The following CNTNAP5 variants were observed in gnomAD, a reference collection of about 807,000 sequenced individuals.
The protein encoded by CNTNAP5 is contactin associated protein family member 5.
Under a neutral mutation model 150.2 loss-of-function variants are expected in CNTNAP5, and 72 were observed. The observed-to-expected ratio is 0.48, with a 90% CI of 0.40 to 0.58. The LOEUF is 0.58. Ranked by LOEUF, CNTNAP5 falls within the 20% of genes least tolerant of loss-of-function variation. CNTNAP5 has a pLI of 0.00. For synonymous variants in CNTNAP5, 672 were observed against 619.8 expected, an observed-to-expected ratio of 1.08 and a Z score of -1.25; for missense variants, 1,636 against 1,626.2, an observed-to-expected ratio of 1.01 and a Z score of -0.10.
At chr2:124,223,621 A>G (rs1686381086) in intron 2 of CNTNAP5, among the ~76,000 whole-genome samples, 1 of 151,990 alleles carries the variant, frequency 6.6e-6, no homozygotes, top group Non-Finnish European at 1.5e-5. Flanking sequence ...GAAAGCAATT[A>G]CTACTGCCTA....
chr2:124,370,253 C>A (rs1486539772), intron 3 of CNTNAP5, among the ~76,000 whole-genome samples: 3 of 152,098 alleles, frequency 2.0e-5, no homozygotes, highest in Non-Finnish European at 4.4e-5. Context: ...AGACCCTCAG[C>A]AGTAAAGGTT....
At chr2:124,732,935 C>G (rs961688896) in intron 13 of CNTNAP5, among the ~76,000 whole-genome samples, 2 of 152,114 alleles carry the variant, frequency 1.3e-5, no homozygotes, top group African/African-American at 4.8e-5. Flanking sequence ...ATATAAACAA[C>G]AGTGGATTAG....
chr2:124,326,750 C>T (rs1003583084), intron 3 of CNTNAP5, among the ~76,000 whole-genome samples: 2 of 151,820 alleles, frequency 1.3e-5, no homozygotes, highest in Non-Finnish European at 1.5e-5. Context: ...CATGGCGAAC[C>T]CCCATCTTGA....
intron 4 of CNTNAP5, among the ~76,000 whole-genome samples, chr2:124,420,547 G>A (rs138675108): frequency 6.6e-4 from 100 of 152,202 alleles, no homozygotes; most frequent in Middle Eastern, 3.4e-3. Context: ...ATAGTCCCCT[G>A]TTACCCAACC....
At chr2:124,542,411 C>G (rs1235451758) in intron 10 of CNTNAP5, among the ~76,000 whole-genome samples, 1 of 151,498 alleles carries the variant, frequency 6.6e-6, no homozygotes, top group Non-Finnish European at 1.5e-5. Context: ...CACTGAGGGC[C>G]ATGAAGTTAT....
chr2:124,805,917 A>C (rs2104650787), intron 19 of CNTNAP5, among the ~76,000 whole-genome samples: 1 of 152,264 alleles, frequency 6.6e-6, no homozygotes, highest in South Asian at 2.1e-4. Context: ...ATCCTATAGG[A>C]TGAGAGGCCC....
chr2:124,032,372 G>T (rs1469808217), intron 1 of CNTNAP5, among the ~76,000 whole-genome samples: 1 of 152,070 alleles, frequency 6.6e-6, no homozygotes, highest in African/African-American at 2.4e-5. Context: ...AAGCTATGGA[G>T]ATTCATTGAA....
At chr2:124,051,200 C>CA (rs140219734) in intron 1 of CNTNAP5, among the ~76,000 whole-genome samples, 55 of 148,204 alleles carry the variant, frequency 3.7e-4, no homozygotes, top group Middle Eastern at 3.4e-3. Flanking sequence ...TCTCTTTCCT[C>CA]AAAAAAAAAA....
At chr2:124,838,455 G>C (rs1045569090) in intron 19 of CNTNAP5, among the ~76,000 whole-genome samples, 1 of 152,096 alleles carries the variant, frequency 6.6e-6, no homozygotes, top group Admixed American at 6.6e-5. Flanking sequence ...AGCTCTACCA[G>C]GATTCTATCT....
At chr2:124,293,876 A>C (rs1404463010) in intron 3 of CNTNAP5, among the ~76,000 whole-genome samples, 2 of 148,928 alleles carry the variant, frequency 1.3e-5, no homozygotes, top group Non-Finnish European at 3.0e-5. Flanking sequence ...ATTTCAAAGG[A>C]AGCAGTGAGA....
At chr2:124,524,740 A>G (rs1375252043) in intron 9 of CNTNAP5, among the ~76,000 whole-genome samples, 1 of 152,244 alleles carries the variant, frequency 6.6e-6, no homozygotes, top group Non-Finnish European at 1.5e-5. Context: ...TTTTGTAGCC[A>G]TGCCAAGCCC....
chr2:124,594,250 T>C (rs1261072090), intron 11 of CNTNAP5, among the ~76,000 whole-genome samples: 2 of 130,294 alleles, frequency 1.5e-5, no homozygotes, highest in South Asian at 6.0e-4. Context: ...GGTTTTCTTC[T>C]AGGGTTTTTA....
intron 1 of CNTNAP5, among the ~76,000 whole-genome samples, chr2:124,178,659 A>G (rs1159605812): frequency 6.6e-6 from 1 of 152,202 alleles, no homozygotes; most frequent in African/African-American, 2.4e-5. Flanking sequence ...CCTCAGAGGT[A>G]GTGCTCATTC....
chr2:124,771,530 G>C (rs1573606315), intron 16 of CNTNAP5, among the ~76,000 whole-genome samples: 4 of 152,168 alleles, frequency 2.6e-5, no homozygotes, highest in Admixed American at 2.6e-4. Flanking sequence ...GCTAATAATG[G>C]TACATTTCTC....
intron 12 of CNTNAP5, among the ~76,000 whole-genome samples, chr2:124,638,607 A>G (rs189219121): frequency 5.3e-5 from 8 of 152,292 alleles, no homozygotes; most frequent in Non-Finnish European, 1.0e-4. Flanking sequence ...ACAAAAGTCA[A>G]ATACAGACAA....
Position 124,253,414 on chromosome 2 carries a change from G to T in CNTNAP5, c.381+11021G>T, listed in dbSNP as rs190679641. Among the ~76,000 whole-genome samples, 337 of 151,804 alleles carry T rather than the reference G, an allele frequency of 2.2e-3. 3 individuals are homozygous for T. Among genetic ancestry groups the T allele is most frequent in the Non-Finnish European group, 4.1e-4 (28 of 67,900 alleles). On this transcript the variant is annotated intron_variant, in intron 3 of 23. Transcript: ENST00000682447. ...GATTTCTTCTTATCTATAAATTTTG[G>T]TTATTCAAACTTTTTACCTTCCTAT...
At chr2:124,469,099 G>A (rs1693446021) in intron 6 of CNTNAP5, among the ~76,000 whole-genome samples, 1 of 152,190 alleles carries the variant, frequency 6.6e-6, no homozygotes, top group African/African-American at 2.4e-5. Context: ...GAGAACCAGA[G>A]AGCAGGCCTC....
intron 13 of CNTNAP5, among the ~76,000 whole-genome samples, chr2:124,739,549 G>A (rs11694621): frequency 3.3e-5 from 5 of 151,860 alleles, no homozygotes; most frequent in South Asian, 4.2e-4. Flanking sequence ...TGGTGGCCTC[G>A]TTCTCTAGAT....
At chr2:124,090,280 TA>T (rs908592484) in intron 1 of CNTNAP5, among the ~76,000 whole-genome samples, 1 of 152,208 alleles carries the variant, frequency 6.6e-6, no homozygotes, top group African/African-American at 2.4e-5. Flanking sequence ...TTTCTCAAAA[TA>T]AAAAAAGAAC....
Sources: allele counts gnomAD v4.1 joint callset (sites outside exome capture counted in the v4.1 genomes callset), GRCh38; gene constraint gnomAD v4.1.1; transcripts MANE v1.5; gene names NCBI Gene and HGNC (gene_info 2026-07-23, HGNC 2026-07-21).